Variants in CDH13 observed in about 807,000 individuals in gnomAD.
CDH13 encodes the protein cadherin 13.
CDH13 carries 24 observed loss-of-function variants against 63.8 expected under a neutral mutation model. That is an observed-to-expected ratio of 0.38 (90% CI 0.27 to 0.53). The LOEUF (loss-of-function observed/expected upper bound fraction) is 0.53. CDH13 is among the 20% of genes least tolerant of loss of function. The probability of loss-of-function intolerance (pLI) is 0.85; values close to 1 mark genes in which losing one functional copy is unlikely to be tolerated. For missense variants in CDH13, 1,049 were observed against 903.1 expected (o/e 1.16, Z -2.07); for synonymous variants, 503 against 355.3 (o/e 1.42, Z -4.67).
At chr16:82,945,855 C>G (rs1057093631) in intron 2 of CDH13, among the ~76,000 whole-genome samples, 3 of 152,110 alleles carry the variant, frequency 2.0e-5, no homozygotes, top group Admixed American at 1.3e-4. Flanking sequence ...AAAATACCTA[C>G]CTAAAGACTC....
rs369352536 is a variant in CDH13, at chr16:82,819,086, T to C, written c.46-39276T>C. Among the ~76,000 whole-genome samples, 6 of 152,168 alleles carry C rather than the reference T, an allele frequency of 3.9e-5. No individual in the cohort carries two copies. The East Asian group carries it at 9.7e-4, about 25-fold the overall frequency. On this transcript the variant is annotated intron_variant, in intron 1 of 13. Coordinates refer to ENST00000567109, the MANE Select transcript of CDH13 (RefSeq NM_001257.5). ...CAATACTAAAGAACAGAAGATTGAG[T>C]TTTATGAGAGAGAGAAAAATGCACA... is the stretch of plus-strand genomic sequence containing the variant.
intron 5 of CDH13, among the ~76,000 whole-genome samples, chr16:83,300,036 A>G (rs1322884963): frequency 6.6e-6 from 1 of 152,202 alleles, no homozygotes; most frequent in Non-Finnish European, 1.5e-5. Context: ...CAGGAGTAAT[A>G]TCCCATCACT....
chr16:83,753,357 A>C (rs2150978586), intron 11 of CDH13, among the ~76,000 whole-genome samples: 1 of 152,296 alleles, frequency 6.6e-6, no homozygotes. Flanking sequence ...CATCCTGGGC[A>C]ACATGGCAAA....
chr16:83,478,993 A>G (rs953919803), intron 6 of CDH13, among the ~76,000 whole-genome samples: 3 of 152,204 alleles, frequency 2.0e-5, no homozygotes, highest in African/African-American at 7.2e-5. Context: ...CTTTCCAGGA[A>G]CACATGCCCT....
At chr16:83,302,691 G>C (rs910489620) in intron 5 of CDH13, among the ~76,000 whole-genome samples, 1 of 152,114 alleles carries the variant, frequency 6.6e-6, no homozygotes, top group African/African-American at 2.4e-5. Flanking sequence ...AGTGGAGTCA[G>C]ATAAGTCAAC....
At chr16:83,776,683 A>T (rs1189511777) in intron 11 of CDH13, among the ~76,000 whole-genome samples, 2 of 152,218 alleles carry the variant, frequency 1.3e-5, no homozygotes, top group Non-Finnish European at 2.9e-5. Flanking sequence ...GTCACCAGTA[A>T]CATTCTCCTT....
At chr16:82,978,292 A>T (rs1390289710) in intron 2 of CDH13, among the ~76,000 whole-genome samples, 1 of 152,238 alleles carries the variant, frequency 6.6e-6, no homozygotes, top group South Asian at 2.1e-4. Context: ...AGAAAAGAAA[A>T]ACCTATTTTA....
intron 1 of CDH13, among the ~76,000 whole-genome samples, chr16:82,639,789 T>G (rs1365290728): frequency 6.6e-6 from 1 of 152,218 alleles, no homozygotes; most frequent in Non-Finnish European, 1.5e-5. Flanking sequence ...CCCAGCTCCA[T>G]TTTCCGTACT....
At chr16:82,805,037 T>C (rs1381801682) in intron 1 of CDH13, among the ~76,000 whole-genome samples, 1 of 152,196 alleles carries the variant, frequency 6.6e-6, no homozygotes, top group Non-Finnish European at 1.5e-5. Flanking sequence ...AGGAAAAGCA[T>C]GAAGATAAGG....
chr16:83,581,914 T>A (rs1905644169), intron 7 of CDH13, among the ~76,000 whole-genome samples: 1 of 152,234 alleles, frequency 6.6e-6, no homozygotes, highest in South Asian at 2.1e-4. Context: ...ATACCACTGT[T>A]GATCTTCTTT....
intron 5 of CDH13, among the ~76,000 whole-genome samples, chr16:83,282,729 A>C (rs1456768321): frequency 2.0e-5 from 3 of 152,174 alleles, no homozygotes; most frequent in Non-Finnish European, 4.4e-5. Flanking sequence ...TGAGAGAATA[A>C]GTTTTCCTTT....
intron 1 of CDH13, among the ~76,000 whole-genome samples, chr16:82,799,507 A>T (rs2036748726): frequency 6.6e-6 from 1 of 152,252 alleles, no homozygotes; most frequent in Admixed American, 6.5e-5. Context: ...CCATCAGGGT[A>T]AACACATCAG....
At chr16:82,752,724 A>T (rs1343633936) in intron 1 of CDH13, among the ~76,000 whole-genome samples, 1 of 152,210 alleles carries the variant, frequency 6.6e-6, no homozygotes, top group East Asian at 1.9e-4. Context: ...ACTGGGTCCC[A>T]GACAGATGGG....
At chr16:83,314,627 G>A (rs1022762419) in intron 5 of CDH13, among the ~76,000 whole-genome samples, 6 of 152,152 alleles carry the variant, frequency 3.9e-5, no homozygotes, top group Non-Finnish European at 7.3e-5. Flanking sequence ...ATGGGGCTCA[G>A]CTGAAGGTCA....
intron 8 of CDH13, among the ~76,000 whole-genome samples, chr16:83,630,292 G>A (rs576379269): frequency 6.6e-6 from 1 of 152,170 alleles, no homozygotes; most frequent in Admixed American, 6.5e-5. Flanking sequence ...AAGTATCTGG[G>A]ACAGGTCTCA....
intron 2 of CDH13, among the ~76,000 whole-genome samples, chr16:82,988,434 G>C (rs993534650): frequency 6.6e-6 from 1 of 152,050 alleles, no homozygotes; most frequent in African/African-American, 2.4e-5. Flanking sequence ...GTTGAAGAAC[G>C]TGGAAGCTTC....
At position 83,779,405 on chromosome 16, in the gene CDH13, T is replaced by TAAAAAAAAAAAAAAAAAAAAAAAAA. The variant is rs1174439191; in HGVS notation, c.1682-563_1682-562insAAAAAAAAAAAAAAAAAAAAAAAAA. Among the ~76,000 whole-genome samples, 9 of 67,810 alleles carry TAAAAAAAAAAAAAAAAAAAAAAAAA rather than the reference T, an allele frequency of 1.3e-4. 4 individuals are homozygous for TAAAAAAAAAAAAAAAAAAAAAAAAA. Among genetic ancestry groups the TAAAAAAAAAAAAAAAAAAAAAAAAA allele is most frequent in the East Asian group, 9.5e-4 (2 of 2,106 alleles). The allele number at this position is 67,810 out of a possible 152,430, so 44.5% of individuals were successfully genotyped here. A position where few individuals can be genotyped will look rare whatever the true frequency, so the allele number is the denominator to read the frequency against. The stretch of plus-strand genomic sequence containing the variant: ...CCGGGCGACAGCGCGAGACTCCATC[T>TAAAAAAAAAAAAAAAAAAAAAAAAA]CAAAAAAAAAAAAAAAAAAAAAAAA... On this transcript the variant is annotated intron_variant, in intron 11 of 13. Transcript: ENST00000567109.
At chr16:83,529,481 T>C (rs1252044095) in intron 7 of CDH13, among the ~76,000 whole-genome samples, 1 of 152,230 alleles carries the variant, frequency 6.6e-6, no homozygotes, top group Non-Finnish European at 1.5e-5. Context: ...TAGGAAATAC[T>C]ATATGGCTTT....
chr16:83,413,180 C>T (rs1003199993), intron 6 of CDH13, among the ~76,000 whole-genome samples: 6 of 152,194 alleles, frequency 3.9e-5, no homozygotes, highest in Non-Finnish European at 8.8e-5. Flanking sequence ...CACGGTGATG[C>T]AGTGAAGATT....
Sources: gnomAD v4.1 joint callset for allele counts (sites outside exome capture counted in the v4.1 genomes callset) on GRCh38, gnomAD v4.1.1 for gene constraint, MANE v1.5 for transcripts, NCBI Gene and HGNC (gene_info 2026-07-23, HGNC 2026-07-21) for gene names.